GAREM1: variants seen among roughly 807,000 people sequenced by gnomAD.
GAREM1 encodes the protein GRB2-associated and regulator of MAPK protein 1.
In GAREM1, 26 loss-of-function variants were observed where a neutral mutation model predicts 71.3. That is an observed-to-expected ratio of 0.36 (90% CI 0.27 to 0.51). GAREM1 has a LOEUF of 0.51. GAREM1 is among the 20% of genes least tolerant of loss of function. The pLI is 0.95. For synonymous variants in GAREM1, 440 were observed against 433.2 expected (o/e 1.02, Z -0.20); for missense variants, 1,026 against 1,103.1 (o/e 0.93, Z 0.99).
rs920885088 is a variant in GAREM1 at position 32,332,336 on chromosome 18, A to G, written c.263-22013T>C. Among the ~76,000 whole-genome samples, 8 of 151,888 alleles carry G rather than the reference A, an allele frequency of 5.3e-5. No individual in the cohort carries two copies. The East Asian group carries it at 1.5e-3, about 29-fold the overall frequency. On this transcript the variant is annotated intron_variant, in intron 2 of 5. Transcript: ENST00000269209. ...GCTCAGTGGATGCGGTGTTTACTGC[A>G]CAGAGGCACGCCATGTAACACACCA...
At chr18:32,286,638 C>G (rs2047020515) in intron 4 of GAREM1, among the ~76,000 whole-genome samples, 1 of 152,174 alleles carries the variant, frequency 6.6e-6, no homozygotes, top group Non-Finnish European at 1.5e-5. Flanking sequence ...ACCTATGAAA[C>G]AGTCTGAAGC....
In GAREM1 at chr18:32,267,805, C is replaced by T; in HGVS notation, c.*66G>A. 2 of 1,322,880 alleles carry T rather than the reference C, an allele frequency of 1.5e-6. No individual in the cohort carries two copies. The highest frequency in any genetic ancestry group is 2.9e-5 in the South Asian group (2 of 70,060). 81.9% of individuals were successfully genotyped at this position (1,322,880 alleles called of 1,614,324 possible). A position where few individuals can be genotyped will look rare whatever the true frequency, so the allele number is the denominator to read the frequency against. On this transcript the variant is annotated 3_prime_UTR_variant, in exon 6 of 6. Coordinates refer to ENST00000269209, the MANE Select transcript of GAREM1 (RefSeq NM_001242409.2). ...TTAGTGCAAAAACATGAAATTGTGT[C>T]CCAGCCCACCCCTTCTAGCACACGC...
intron 2 of GAREM1, among the ~76,000 whole-genome samples, chr18:32,328,781 A>G (rs2047497435): frequency 6.6e-6 from 1 of 152,226 alleles, no homozygotes; most frequent in Non-Finnish European, 1.5e-5. Context: ...GGACTTCAGA[A>G]GCAGAAAGTA....
At chr18:32,334,318 A>T (rs2047567616) in intron 2 of GAREM1, among the ~76,000 whole-genome samples, 1 of 152,194 alleles carries the variant, frequency 6.6e-6, no homozygotes, top group South Asian at 2.1e-4. Flanking sequence ...CAGCTTTAAA[A>T]CACACGACAC....
At chr18:32,463,566 C>A (rs999122590) in intron 1 of GAREM1, among the ~76,000 whole-genome samples, 1 of 138,224 alleles carries the variant, frequency 7.2e-6, no homozygotes, top group Non-Finnish European at 1.5e-5. Flanking sequence ...TTTTTTAAAT[C>A]ACTTTTTTTT....
intron 2 of GAREM1, among the ~76,000 whole-genome samples, chr18:32,333,243 T>C (rs1173092653): frequency 8.0e-6 from 1 of 124,240 alleles, no homozygotes; most frequent in Admixed American, 8.5e-5. Flanking sequence ...GGAAGGGGAG[T>C]GGAGAGGGGG....
chr18:32,389,987 C>T (rs2048180772), intron 2 of GAREM1, among the ~76,000 whole-genome samples: 2 of 151,940 alleles, frequency 1.3e-5, no homozygotes, highest in African/African-American at 4.8e-5. Flanking sequence ...AGCAACAAAG[C>T]GAGAACTGGT....
chr18:32,399,009 G>C (rs1230401641), intron 1 of GAREM1, among the ~76,000 whole-genome samples: 1 of 152,134 alleles, frequency 6.6e-6, no homozygotes, highest in Non-Finnish European at 1.5e-5. Context: ...TGCAAGGCTG[G>C]TTCAACATAC....
chr18:32,305,492 C>T (rs1005625124), intron 3 of GAREM1, among the ~76,000 whole-genome samples: 32 of 152,122 alleles, frequency 2.1e-4, no homozygotes, highest in African/African-American at 6.3e-4. Context: ...CTTCTATTCA[C>T]GCTTGGTTAG....
chr18:32,446,223 AGTGTGTGTGTGTGT>A (rs10587223), intron 1 of GAREM1, among the ~76,000 whole-genome samples: 1 of 143,340 alleles, frequency 7.0e-6, no homozygotes, highest in Non-Finnish European at 1.5e-5. Flanking sequence ...AGTTCCCCAT[AGTGTGTGTGTGTGT>A]GTGTGTGTGT....
chr18:32,383,688 T>C (rs1430015555), intron 2 of GAREM1, among the ~76,000 whole-genome samples: 1 of 152,222 alleles, frequency 6.6e-6, no homozygotes, highest in Admixed American at 6.5e-5. Context: ...GGTTAAATTA[T>C]ATTTGAACTG....
At chr18:32,327,157 T>A (rs2047481958) in intron 2 of GAREM1, among the ~76,000 whole-genome samples, 1 of 152,256 alleles carries the variant, frequency 6.6e-6, no homozygotes, top group Non-Finnish European at 1.5e-5. Flanking sequence ...CTTTTTCATT[T>A]TGTGGCTGTA....
chr18:32,382,494 T>C (rs2048106771), intron 2 of GAREM1, among the ~76,000 whole-genome samples: 1 of 152,056 alleles, frequency 6.6e-6, no homozygotes, highest in Non-Finnish European at 1.5e-5. Context: ...AACAACCTGG[T>C]GTGGCGAGTG....
chr18:32,312,527 T>C (rs1341840108), intron 2 of GAREM1, among the ~76,000 whole-genome samples: 2 of 152,184 alleles, frequency 1.3e-5, no homozygotes, highest in Non-Finnish European at 2.9e-5. Flanking sequence ...AGAACTGGAT[T>C]GAAGGCAGCC....
Position 32,470,265 on chromosome 18 carries a change from G to C in GAREM1, c.121+43C>G, listed in dbSNP as rs572127361. On this transcript the variant is annotated intron_variant, in intron 1 of 5. Transcript: ENST00000269209. This position sits in a 1 kb window ranked among gnomAD's most constrained non-coding sequence, Gnocchi z 4.4. ...CACGCGCGCACACCCGCGTGGAGAC[G>C]GCTGTCCTCGCCCGTCTGCCCCGCG... 77 of 1,453,466 alleles carry C rather than the reference G, an allele frequency of 5.3e-5. No homozygotes were observed. Among genetic ancestry groups the C allele is most frequent in the Non-Finnish European group, 6.7e-5 (74 of 1,097,328 alleles). 90.0% of individuals were successfully genotyped at this position (1,453,466 alleles called of 1,614,324 possible).
intron 1 of GAREM1, among the ~76,000 whole-genome samples, chr18:32,451,426 C>T (rs145188780): frequency 9.8e-5 from 15 of 152,292 alleles, no homozygotes; most frequent in African/African-American, 3.6e-4. Context: ...ATCTCGCCTA[C>T]TCTGCCTCAT....
chr18:32,357,849 T>C (rs908034795), intron 2 of GAREM1, among the ~76,000 whole-genome samples: 2 of 152,170 alleles, frequency 1.3e-5, no homozygotes, highest in Non-Finnish European at 2.9e-5. Context: ...GTTATAACTA[T>C]AAATAACTTA....
At chr18:32,375,028 G>C (rs1401706802) in intron 2 of GAREM1, among the ~76,000 whole-genome samples, 1 of 152,032 alleles carries the variant, frequency 6.6e-6, no homozygotes, top group Non-Finnish European at 1.5e-5. Flanking sequence ...TGAAGGTTCA[G>C]GAAATTCTAG....
intron 1 of GAREM1, among the ~76,000 whole-genome samples, chr18:32,469,009 C>T (rs1256699181): frequency 7.4e-6 from 1 of 135,888 alleles, no homozygotes. Context: ...CTGTGATCTG[C>T]ACTTCATTAC....
Sources: gnomAD v4.1 joint callset for allele counts (sites outside exome capture counted in the v4.1 genomes callset) on GRCh38, gnomAD v4.1.1 for gene constraint, Gnocchi (gnomAD v3.1) non-coding constraint, MANE v1.5 for transcripts, NCBI Gene and HGNC (gene_info 2026-07-23, HGNC 2026-07-21) for gene names.